NPAS3: variants seen among roughly 807,000 people sequenced by gnomAD.
NPAS3 encodes the protein neuronal PAS domain-containing protein 3.
In NPAS3, 14 loss-of-function variants were observed where a neutral mutation model predicts 73.1. The ratio of observed to expected loss-of-function variants is 0.19; its 90% CI spans 0.13 to 0.30. The LOEUF (loss-of-function observed/expected upper bound fraction) is 0.30, where lower values mean the gene tolerates loss of function less well. NPAS3 is among the 10% of genes least tolerant of loss of function. The pLI is 1.00. For synonymous variants in NPAS3, 620 were observed against 541.5 expected, an observed-to-expected ratio of 1.14 and a Z score of -2.01; for missense variants, 1,096 against 1,250.0, an observed-to-expected ratio of 0.88 and a Z score of 1.86.
intron 3 of NPAS3, among the ~76,000 whole-genome samples, chr14:33,263,472 G>T (rs2049050098): frequency 6.6e-6 from 1 of 152,060 alleles, no homozygotes; most frequent in East Asian, 1.9e-4. Context: ...CTGTTCTATT[G>T]GTCTATATCT....
chr14:33,635,918 A>C (rs1323967557), intron 5 of NPAS3, among the ~76,000 whole-genome samples: 2 of 152,266 alleles, frequency 1.3e-5, no homozygotes, highest in East Asian at 3.9e-4. Flanking sequence ...TCCACATGTA[A>C]GTGTCATGGA....
intron 1 of NPAS3, among the ~76,000 whole-genome samples, chr14:33,040,120 G>C (rs1157396093): frequency 6.6e-6 from 1 of 151,954 alleles, no homozygotes; most frequent in East Asian, 1.9e-4. Context: ...TGTTAGGATT[G>C]TGACTGACTA....
intron 11 of NPAS3, 122 bp downstream of exon 11, chr14:33,797,703 G>A: frequency 1.1e-6 from 1 of 927,960 alleles, no homozygotes; most frequent in Admixed American, 2.1e-5. Flanking sequence ...AGAGACATAT[G>A]TCACATCAAG....
chr14:33,529,921 A>G (rs561638395), intron 4 of NPAS3, among the ~76,000 whole-genome samples: 1 of 152,284 alleles, frequency 6.6e-6, no homozygotes, highest in South Asian at 2.1e-4. Flanking sequence ...GAAAGTTGCA[A>G]CTCAAAGTTC....
intron 2 of NPAS3, among the ~76,000 whole-genome samples, chr14:33,206,642 A>T (rs1024861518): frequency 6.6e-6 from 1 of 152,216 alleles, no homozygotes; most frequent in Non-Finnish European, 1.5e-5. Context: ...TGTTGAAAAC[A>T]CTTGGACCTT....
rs145731496 is a variant in NPAS3, at chr14:33,757,978, C to G, written c.853-16359C>G. Reference sequence around the variant, plus strand: ...TGGTAATTATGCCTCAGTGCCTGCACAGAGCACTGCCTTATAAAGGTTAAT... The same window carrying G: ...TGGTAATTATGCCTCAGTGCCTGCAGAGAGCACTGCCTTATAAAGGTTAAT... On this transcript the variant is annotated intron_variant, in intron 7 of 11. Coordinates refer to ENST00000356141, the Ensembl canonical transcript of NPAS3. Among the ~76,000 whole-genome samples, 677 of 152,310 alleles carry G rather than the reference C, an allele frequency of 4.4e-3. 5 individuals carry two copies. Among genetic ancestry groups the G allele is most frequent in the African/African-American group, 0.015 (616 of 41,572 alleles).
intron 3 of NPAS3, among the ~76,000 whole-genome samples, chr14:33,246,167 C>A (rs1343996359): frequency 6.6e-6 from 1 of 152,004 alleles, no homozygotes; most frequent in Non-Finnish European, 1.5e-5. Context: ...ACTGTTAGCG[C>A]CCACCTCATA....
At chr14:33,178,219 T>C (rs1445720381) in intron 2 of NPAS3, among the ~76,000 whole-genome samples, 4 of 151,724 alleles carry the variant, frequency 2.6e-5, no homozygotes, top group African/African-American at 9.7e-5. Flanking sequence ...GGACTACAGG[T>C]GCACACCACC....
chr14:33,611,676 T>A (rs76684693), intron 5 of NPAS3, among the ~76,000 whole-genome samples: 2,988 of 152,300 alleles, frequency 0.02, 116 homozygotes, highest in East Asian at 0.19. Flanking sequence ...GAAGTAGTTG[T>A]GAAAATAAAT....
At chr14:33,487,809 A>G (rs555214277) in intron 4 of NPAS3, among the ~76,000 whole-genome samples, 22 of 152,292 alleles carry the variant, frequency 1.4e-4, no homozygotes, top group Admixed American at 4.6e-4. Context: ...CTGTGCTACT[A>G]AAAGAACCAA....
At chr14:33,093,332 A>C (rs2042293484) in intron 2 of NPAS3, among the ~76,000 whole-genome samples, 1 of 152,228 alleles carries the variant, frequency 6.6e-6, no homozygotes, top group Admixed American at 6.5e-5. Context: ...CACTTCTCAA[A>C]AGAAGACATT....
intron 6 of NPAS3, among the ~76,000 whole-genome samples, chr14:33,723,601 C>T (rs943601094): frequency 5.3e-5 from 8 of 151,834 alleles, no homozygotes; most frequent in Non-Finnish European, 8.8e-5. Flanking sequence ...CTGTCCAGTT[C>T]GGAGTCCTAT....
rs142629275 is a variant in NPAS3, at chr14:33,301,831, T to A, written c.386-65355T>A. Among the ~76,000 whole-genome samples the A allele has an allele frequency of 1.4e-3, 214 of 152,326 alleles. 2 individuals carry two copies. The highest frequency in any genetic ancestry group is 5.5e-3 in the Admixed American group (84 of 15,298). ...TCAGTAGCCATGTTCATTTTTAGTA[T>A]TTTTACATTTATCATTGTTTTCCCA... On this transcript the variant is annotated intron_variant, in intron 3 of 11. Coordinates refer to ENST00000356141, the Ensembl canonical transcript of NPAS3.
intron 7 of NPAS3, among the ~76,000 whole-genome samples, chr14:33,743,483 C>A (rs1232639091): frequency 6.6e-6 from 1 of 152,092 alleles, no homozygotes; most frequent in Non-Finnish European, 1.5e-5. Context: ...GTCATCCAGG[C>A]TTTATTGTTC....
chr14:33,458,134 G>A (rs890795324), intron 4 of NPAS3, among the ~76,000 whole-genome samples: 1 of 152,154 alleles, frequency 6.6e-6, no homozygotes, highest in East Asian at 1.9e-4. Context: ...AATTACTTCA[G>A]TTTGCTCAAG....
At chr14:33,629,303 C>T (rs933528447) in intron 5 of NPAS3, among the ~76,000 whole-genome samples, 3 of 151,242 alleles carry the variant, frequency 2.0e-5, no homozygotes, top group Admixed American at 2.0e-4. Context: ...TTGAGTCTAT[C>T]AGTGATATGT....
At chr14:33,153,621 C>T (rs181087221) in intron 2 of NPAS3, among the ~76,000 whole-genome samples, 122 of 152,250 alleles carry the variant, frequency 8.0e-4, no homozygotes, top group African/African-American at 2.8e-3. Context: ...CTCCAGACCT[C>T]CCACCCTCAT....
At chr14:33,270,596 T>G (rs1777135282) in intron 3 of NPAS3, among the ~76,000 whole-genome samples, 1 of 152,146 alleles carries the variant, frequency 6.6e-6, no homozygotes, top group South Asian at 2.1e-4. Context: ...AAAGCTTAAT[T>G]ACATAGGTTT....
rs137875271 is a variant in NPAS3, at chr14:33,251,185, C to T, written c.385+35759C>T. ...AAGAGAAATCTGAAGCCATCAATCT[C>T]GCTTATCAGTACTACTCAGTGTGAT... On this transcript the variant is annotated intron_variant, in intron 3 of 11. Transcript: ENST00000356141. 3.7e-3 allele frequency among the ~76,000 whole-genome samples: 569 copies of T among 152,248 alleles called. 2 individuals are homozygous for T. Among genetic ancestry groups the T allele is most frequent in the Non-Finnish European group, 4.6e-3 (314 of 67,958 alleles).
Sources: gnomAD v4.1 joint callset for allele counts (sites outside exome capture counted in the v4.1 genomes callset) on GRCh38, gnomAD v4.1.1 for gene constraint, MANE v1.5 for transcripts, NCBI Gene and HGNC (gene_info 2026-07-23, HGNC 2026-07-21) for gene names.